Variants in ATP8B4 observed in about 807,000 individuals in gnomAD.
The protein encoded by ATP8B4 is ATPase phospholipid transporting 8B4 (putative), also known as probable phospholipid-transporting ATPase IM.
Under a neutral mutation model 145.6 loss-of-function variants are expected in ATP8B4, and 133 were observed. The ratio of observed to expected loss-of-function variants is 0.91; its 90% CI spans 0.79 to 1.05. ATP8B4 has a LOEUF of 1.05. Ranked by LOEUF, ATP8B4 falls within the 50% of genes least tolerant of loss-of-function variation. ATP8B4 has a pLI of 0.00. For missense variants in ATP8B4, 1,458 were observed against 1,425.2 expected, an observed-to-expected ratio of 1.02 and a Z score of -0.37; for synonymous variants, 507 against 492.9, an observed-to-expected ratio of 1.03 and a Z score of -0.38.
chr15:50,010,454 T>C (rs984401816), intron 7 of ATP8B4, among the ~76,000 whole-genome samples: 2 of 152,078 alleles, frequency 1.3e-5, no homozygotes, highest in Non-Finnish European at 2.9e-5. Context: ...TTTTCAAATA[T>C]ACTGTAAATT....
intron 6 of ATP8B4, among the ~76,000 whole-genome samples, chr15:50,012,947 T>C (rs759357622): frequency 3.9e-5 from 6 of 152,160 alleles, no homozygotes; most frequent in Non-Finnish European, 7.4e-5. Context: ...ATACATCTAA[T>C]GAGCACTAAG....
chr15:50,103,868 T>C (rs1203443782), intron 2 of ATP8B4, among the ~76,000 whole-genome samples: 1 of 152,122 alleles, frequency 6.6e-6, no homozygotes, highest in Non-Finnish European at 1.5e-5. Flanking sequence ...AGCATAATAC[T>C]GGTATAAAAA....
intron 15 of ATP8B4, among the ~76,000 whole-genome samples, chr15:49,931,951 G>T (rs2153466076): frequency 6.6e-6 from 1 of 151,352 alleles, no homozygotes; most frequent in East Asian, 1.9e-4. Context: ...AGAGGGGAGA[G>T]GAGACAAAAA....
At chr15:49,945,432 T>A (rs755217773) in intron 14 of ATP8B4, among the ~76,000 whole-genome samples, 1 of 152,108 alleles carries the variant, frequency 6.6e-6, no homozygotes. Context: ...ACCAAACATG[T>A]AGAGTATAAT....
chr15:50,121,134 C>T (rs1176236713), upstream of ATP8B4, among the ~76,000 whole-genome samples: 2 of 152,104 alleles, frequency 1.3e-5, no homozygotes, highest in Non-Finnish European at 2.9e-5. Flanking sequence ...TAAATGTGCT[C>T]GCTGTTTATT....
intron 5 of ATP8B4, among the ~76,000 whole-genome samples, chr15:50,042,711 T>C (rs371415567): frequency 6.6e-6 from 1 of 152,212 alleles, no homozygotes; most frequent in East Asian, 1.9e-4. Flanking sequence ...ATTCTCCATA[T>C]AGCTTAGCAC....
intron 1 of ATP8B4, among the ~76,000 whole-genome samples, chr15:50,170,495 AC>A (rs35629394): frequency 7.0e-6 from 1 of 142,178 alleles, no homozygotes; most frequent in African/African-American, 2.7e-5. Flanking sequence ...CCATTACCAA[AC>A]CCCCCCCACC....
intron 1 of ATP8B4, among the ~76,000 whole-genome samples, chr15:50,138,023 C>T (rs573061779): frequency 6.6e-6 from 1 of 152,278 alleles, no homozygotes; most frequent in South Asian, 2.1e-4. Context: ...ATCTTAGTAT[C>T]GCTCTAGCCA....
chr15:49,897,556 C>A, intron 22 of ATP8B4, 41 bp from the exon 23 acceptor site: 1 of 1,416,054 alleles, frequency 7.1e-7, no homozygotes, highest in Non-Finnish European at 9.3e-7. Flanking sequence ...CAAAACAAAG[C>A]CACGATCTCT....
intron 9 of ATP8B4, among the ~76,000 whole-genome samples, chr15:49,991,469 A>G (rs768771178): frequency 5.3e-5 from 8 of 152,206 alleles, no homozygotes; most frequent in Non-Finnish European, 1.0e-4. Context: ...TCCAGTTTAC[A>G]TAATAATAAT....
intron 26 of ATP8B4, among the ~76,000 whole-genome samples, chr15:49,863,924 C>A (rs752190598): frequency 2.0e-5 from 3 of 152,106 alleles, no homozygotes; most frequent in Non-Finnish European, 4.4e-5. Flanking sequence ...AAAGAGTGGT[C>A]CCTGCACAAA....
At position 49,893,360 on chromosome 15, in the gene ATP8B4, G is replaced by A. The variant is rs552412578; in HGVS notation, c.2697+3932C>T. On this transcript the variant is annotated intron_variant, in intron 23 of 27. Coordinates refer to ENST00000284509, the MANE Select transcript of ATP8B4 (RefSeq NM_024837.4). ...CAAATATTATTATTTAGAAAATATC[G>A]AACAAAGAGCTGATATAGACTAAGA... Among the ~76,000 whole-genome samples, 6 of 152,128 alleles carry A rather than the reference G, an allele frequency of 3.9e-5. No individual in the cohort carries two copies. The South Asian group carries it at 8.3e-4, about 21-fold the overall frequency.
chr15:49,953,125 T>C (rs921124688), intron 14 of ATP8B4, among the ~76,000 whole-genome samples: 7 of 152,232 alleles, frequency 4.6e-5, no homozygotes, highest in South Asian at 4.2e-4. Flanking sequence ...ACCAACCTGA[T>C]GCCAGTAGGA....
chr15:49,956,066 T>C (rs976257277), intron 14 of ATP8B4, among the ~76,000 whole-genome samples: 2 of 152,134 alleles, frequency 1.3e-5, no homozygotes, highest in African/African-American at 4.8e-5. Context: ...TGGGAAAAGA[T>C]TCAATAGTAA....
At chr15:50,107,446 G>T (rs1344029847) in intron 1 of ATP8B4, among the ~76,000 whole-genome samples, 1 of 152,138 alleles carries the variant, frequency 6.6e-6, no homozygotes, top group African/African-American at 2.4e-5. Flanking sequence ...GAAACAAAAT[G>T]CAATCCAAAA....
At chr15:50,075,177 G>A (rs2054097344) in intron 2 of ATP8B4, among the ~76,000 whole-genome samples, 1 of 152,064 alleles carries the variant, frequency 6.6e-6, no homozygotes, top group African/African-American at 2.4e-5. Context: ...ATGGTGGAAA[G>A]TAACTTGGAG....
At chr15:50,178,650 C>T (rs1218008932) in intron 1 of ATP8B4, among the ~76,000 whole-genome samples, 1 of 152,050 alleles carries the variant, frequency 6.6e-6, no homozygotes, top group East Asian at 1.9e-4. Context: ...GGTGCATGCC[C>T]CCACACTTGG....
intron 1 of ATP8B4, among the ~76,000 whole-genome samples, chr15:50,147,419 C>G (rs2044291653): frequency 5.2e-5 from 1 of 19,166 alleles, no homozygotes; most frequent in Admixed American, 6.1e-4. Context: ...GACACTGTCT[C>G]CAAAAAAAAA....
upstream of ATP8B4, among the ~76,000 whole-genome samples, chr15:50,120,773 A>G (rs1178778322): frequency 6.6e-6 from 1 of 152,198 alleles, no homozygotes; most frequent in Non-Finnish European, 1.5e-5. Flanking sequence ...GTATATTGAT[A>G]CAAAAGAGTA....
Sources: allele counts gnomAD v4.1 joint callset (sites outside exome capture counted in the v4.1 genomes callset), GRCh38; gene constraint gnomAD v4.1.1; transcripts MANE v1.5; gene names NCBI Gene and HGNC (gene_info 2026-07-23, HGNC 2026-07-21).